AKAP6: variants seen among roughly 807,000 people sequenced by gnomAD.
The protein encoded by AKAP6 is A-kinase anchoring protein 6.
A neutral mutation model predicts 188.5 loss-of-function variants in AKAP6; 58 were observed. The ratio of observed to expected loss-of-function variants is 0.31; its 90% CI spans 0.25 to 0.38. The LOEUF is 0.38. Ranked by LOEUF, AKAP6 falls within the 10% of genes least tolerant of loss-of-function variation. The pLI is 1.00. For synonymous variants in AKAP6, 989 were observed against 998.6 expected (o/e 0.99, Z 0.18); for missense variants, 2,710 against 2,740.0 (o/e 0.99, Z 0.24).
intron 13 of AKAP6, among the ~76,000 whole-genome samples, chr14:32,825,143 C>T (rs1464088492): frequency 6.6e-6 from 1 of 152,182 alleles, no homozygotes. Context: ...CGCAATTATA[C>T]TCCATGATCA....
At chr14:32,602,617 T>C in intron 7 of AKAP6, among the ~76,000 whole-genome samples, 1 of 152,216 alleles carries the variant, frequency 6.6e-6, no homozygotes, top group Admixed American at 6.5e-5. Flanking sequence ...TTTTGTTTAT[T>C]TAACAAGAAT....
At chr14:32,344,948 A>G (rs559963558) in intron 1 of AKAP6, among the ~76,000 whole-genome samples, 1 of 151,088 alleles carries the variant, frequency 6.6e-6, no homozygotes, top group East Asian at 2.0e-4. Context: ...GAGAGAGAGT[A>G]TATATAAGCA....
intron 5 of AKAP6, among the ~76,000 whole-genome samples, chr14:32,597,466 T>C (rs1045503273): frequency 6.6e-6 from 1 of 152,198 alleles, no homozygotes; most frequent in Non-Finnish European, 1.5e-5. Flanking sequence ...ATGGCATTGC[T>C]TCAGAGTTGA....
Position 32,717,065 on chromosome 14 carries a change from G to T in AKAP6, c.3001-15389G>T, listed in dbSNP as rs376936274. On this transcript the variant is annotated intron_variant, in intron 9 of 13. Transcript: ENST00000280979. Reference sequence around the variant, plus strand: ...TATGAAATGACCTTCCCTGGAGCAGGTGGATCAGGTGGATCAGGTGGCAAG... The same window carrying T: ...TATGAAATGACCTTCCCTGGAGCAGTTGGATCAGGTGGATCAGGTGGCAAG... Among the ~76,000 whole-genome samples the T allele has an allele frequency of 2.5e-4, 38 of 151,998 alleles. 2 individuals are homozygous for T. The South Asian group carries it at 7.5e-3, about 30-fold the overall frequency.
At chr14:32,354,425 C>T (rs927802020) in intron 1 of AKAP6, among the ~76,000 whole-genome samples, 12 of 134,278 alleles carry the variant, frequency 8.9e-5, no homozygotes, top group African/African-American at 3.8e-4. Flanking sequence ...GATAATTATA[C>T]TACCTAAACT....
intron 1 of AKAP6, among the ~76,000 whole-genome samples, chr14:32,374,961 TAATC>T (rs1287242496): frequency 1.3e-5 from 2 of 152,222 alleles, no homozygotes; most frequent in African/African-American, 4.8e-5. Flanking sequence ...GAAAATAAGA[TAATC>T]AATTTTGTAT....
intron 1 of AKAP6, among the ~76,000 whole-genome samples, chr14:32,360,415 C>T (rs1324339501): frequency 6.6e-6 from 1 of 152,208 alleles, no homozygotes; most frequent in Non-Finnish European, 1.5e-5. Flanking sequence ...GCGTGAGCCA[C>T]CGCGCCTGGC....
At chr14:32,714,752 T>C (rs17439529) in intron 9 of AKAP6, among the ~76,000 whole-genome samples, 77,853 of 151,574 alleles carry the variant, frequency 0.51, 20,887 homozygotes, top group South Asian at 0.6. Flanking sequence ...TTCACTTACA[T>C]TTCCATTGAA....
At chr14:32,488,143 C>G (rs1003260884) in intron 2 of AKAP6, among the ~76,000 whole-genome samples, 3 of 152,216 alleles carry the variant, frequency 2.0e-5, no homozygotes, top group African/African-American at 7.2e-5. Context: ...CCCCTTCCCC[C>G]AGGTGCTCTG....
At position 32,546,230 on chromosome 14, in the gene AKAP6, G is replaced by A. The variant is rs1175209282; in HGVS notation, c.1577G>A (p.Ser526Asn). The change falls in exon 4 of 14, where the codon AGC becomes AAC. Residue 526 changes from serine (S) to asparagine (N), a missense_variant. Coordinates refer to ENST00000280979, the MANE Select transcript of AKAP6 (RefSeq NM_004274.5). Reference sequence around the variant, plus strand: ...GGCAAACAAGCTAAAAATACAAAGAGCTCAGCAGTGCCAAATGGAGAGCTT... The same window carrying A: ...GGCAAACAAGCTAAAAATACAAAGAACTCAGCAGTGCCAAATGGAGAGCTT... ...GSGKQAKNTKSSAVPNGELSY... is the reference protein window; with the variant it reads ...GSGKQAKNTKNSAVPNGELSY... The A allele has an allele frequency of 3.7e-6, 6 of 1,614,000 alleles. No homozygotes were observed. Among genetic ancestry groups the A allele is most frequent in the Non-Finnish European group, 4.2e-6 (5 of 1,180,018 alleles).
At chr14:32,333,738 A>G (rs1886603469) in intron 1 of AKAP6, among the ~76,000 whole-genome samples, 1 of 152,168 alleles carries the variant, frequency 6.6e-6, no homozygotes. Flanking sequence ...AACTATTTTG[A>G]GAAATAAAAT....
chr14:32,737,617 C>T (rs994832666), intron 11 of AKAP6, among the ~76,000 whole-genome samples: 23 of 152,234 alleles, frequency 1.5e-4, no homozygotes, highest in African/African-American at 5.5e-4. Context: ...CCATGCTCTG[C>T]CTCTCGTGGG....
At chr14:32,585,570 T>C (rs1424438453) in intron 5 of AKAP6, among the ~76,000 whole-genome samples, 1 of 152,094 alleles carries the variant, frequency 6.6e-6, no homozygotes, top group Non-Finnish European at 1.5e-5. Flanking sequence ...GAATACATGA[T>C]GAATGAGCTT....
chr14:32,376,390 C>T (rs1434191700), intron 1 of AKAP6, among the ~76,000 whole-genome samples: 1 of 152,286 alleles, frequency 6.6e-6, no homozygotes, highest in East Asian at 1.9e-4. Flanking sequence ...TCCTCCCCTG[C>T]AATATCATTA....
intron 11 of AKAP6, among the ~76,000 whole-genome samples, chr14:32,750,101 T>G (rs991970313): frequency 1.3e-5 from 2 of 152,194 alleles, no homozygotes; most frequent in Non-Finnish European, 2.9e-5. Flanking sequence ...CTGGGCTGAG[T>G]TTTAGCAATA....
intron 2 of AKAP6, chr14:32,434,038 G>A: frequency 2.0e-6 from 1 of 510,908 alleles, no homozygotes; most frequent in South Asian, 3.3e-5. Flanking sequence ...TTTGGTGATA[G>A]TGCAGAGAAA....
At chr14:32,569,102 G>A (rs1345386889) in intron 4 of AKAP6, among the ~76,000 whole-genome samples, 4 of 152,182 alleles carry the variant, frequency 2.6e-5, no homozygotes, top group African/African-American at 7.2e-5. Flanking sequence ...TGTGGATTCA[G>A]TGTAATATTC....
At chr14:32,383,485 C>T (rs1332289306) in intron 1 of AKAP6, among the ~76,000 whole-genome samples, 1 of 152,120 alleles carries the variant, frequency 6.6e-6, no homozygotes, top group Admixed American at 6.6e-5. Context: ...GACAAAATAT[C>T]TGAATTTGGC....
intron 5 of AKAP6, among the ~76,000 whole-genome samples, chr14:32,579,400 T>A (rs1173564284): frequency 6.6e-6 from 1 of 152,156 alleles, no homozygotes; most frequent in Non-Finnish European, 1.5e-5. Context: ...TTGATTGGAA[T>A]AGAGATATCA....
Sources: allele counts gnomAD v4.1 joint callset (sites outside exome capture counted in the v4.1 genomes callset), GRCh38; gene constraint gnomAD v4.1.1; transcripts MANE v1.5; gene names NCBI Gene and HGNC (gene_info 2026-07-23, HGNC 2026-07-21).